Variants in GRM7 observed in about 807,000 individuals in gnomAD.
The protein encoded by GRM7 is metabotropic glutamate receptor 7.
GRM7 carries 35 observed loss-of-function variants against 84.5 expected under a neutral mutation model. That is an observed-to-expected ratio of 0.41 (90% CI 0.32 to 0.55). The LOEUF is 0.55. Ranked by LOEUF, GRM7 falls within the 20% of genes least tolerant of loss-of-function variation. The pLI, the probability that GRM7 is intolerant of heterozygous loss-of-function variation, is 0.19. For synonymous variants in GRM7, 487 were observed against 455.1 expected (o/e 1.07, Z -0.89); for missense variants, 1,003 against 1,194.6 (o/e 0.84, Z 2.36).
intron 2 of GRM7, among the ~76,000 whole-genome samples, chr3:7,150,665 C>T (rs186134120): frequency 5.9e-4 from 90 of 152,206 alleles, no homozygotes; most frequent in African/African-American, 2.0e-3. Flanking sequence ...AATGCACATG[C>T]AATAGCAACA....
intron 1 of GRM7, among the ~76,000 whole-genome samples, chr3:7,063,494 C>G (rs949815692): frequency 7.9e-5 from 12 of 151,736 alleles, no homozygotes; most frequent in Non-Finnish European, 1.6e-4. Flanking sequence ...ATTTAATTAA[C>G]TTTCAATTAA....
At chr3:7,081,483 T>A (rs1262753341) in intron 1 of GRM7, among the ~76,000 whole-genome samples, 1 of 152,024 alleles carries the variant, frequency 6.6e-6, no homozygotes, top group East Asian at 1.9e-4. Flanking sequence ...TGCTTGCACT[T>A]CTCCCTGTCC....
chr3:7,613,886 T>C (rs1230163124), intron 8 of GRM7, among the ~76,000 whole-genome samples: 1 of 152,206 alleles, frequency 6.6e-6, no homozygotes, highest in Admixed American at 6.5e-5. Flanking sequence ...ACCACTGTTG[T>C]TTAACTTGGG....
intron 7 of GRM7, among the ~76,000 whole-genome samples, chr3:7,562,306 A>T (rs931024065): frequency 5.9e-5 from 9 of 152,096 alleles, no homozygotes; most frequent in Non-Finnish European, 1.3e-4. Context: ...CCAGGAAAAA[A>T]AGCTAAAACC....
At chr3:7,283,774 G>A (rs890117703) in intron 2 of GRM7, among the ~76,000 whole-genome samples, 8 of 152,076 alleles carry the variant, frequency 5.3e-5, no homozygotes, top group Non-Finnish European at 1.2e-4. Context: ...GACTTTACGG[G>A]CAGTTAAAAA....
At chr3:7,577,278 C>T (rs187339408) in intron 7 of GRM7, among the ~76,000 whole-genome samples, 6 of 152,288 alleles carry the variant, frequency 3.9e-5, no homozygotes, top group Non-Finnish European at 7.4e-5. Context: ...TGCATATTCT[C>T]AGGGCACACC....
At chr3:7,121,150 A>G (rs1693202925) in intron 1 of GRM7, among the ~76,000 whole-genome samples, 1 of 152,198 alleles carries the variant, frequency 6.6e-6, no homozygotes. Context: ...TGTGACTGCC[A>G]GGAACACTCA....
At chr3:7,314,329 C>A (rs908162009) in intron 4 of GRM7, among the ~76,000 whole-genome samples, 3 of 151,260 alleles carry the variant, frequency 2.0e-5, no homozygotes, top group Middle Eastern at 3.5e-3. Flanking sequence ...CTCCCTCCCC[C>A]CTAAAAATTG....
intron 7 of GRM7, among the ~76,000 whole-genome samples, chr3:7,511,671 C>A (rs1293684803): frequency 6.6e-6 from 1 of 152,184 alleles, no homozygotes; most frequent in Non-Finnish European, 1.5e-5. Flanking sequence ...AATCTAGTTT[C>A]AAAACTATGG....
chr3:7,444,203 A>G (rs1282531606), intron 5 of GRM7, among the ~76,000 whole-genome samples: 1 of 152,178 alleles, frequency 6.6e-6, no homozygotes, highest in East Asian at 1.9e-4. Context: ...GCATAAACAG[A>G]GTTTCAGAGT....
At chr3:7,585,145 C>T (rs911451951) in intron 8 of GRM7, among the ~76,000 whole-genome samples, 2 of 152,196 alleles carry the variant, frequency 1.3e-5, no homozygotes, top group African/African-American at 4.8e-5. Context: ...CATTTGTGCA[C>T]TCATGCTGTG....
At chr3:7,121,595 C>T (rs1330994191) in intron 1 of GRM7, among the ~76,000 whole-genome samples, 5 of 152,118 alleles carry the variant, frequency 3.3e-5, no homozygotes, top group African/African-American at 1.2e-4. Context: ...AATTTAGATT[C>T]TTTTCTATCT....
intron 1 of GRM7, among the ~76,000 whole-genome samples, chr3:7,075,936 AT>A (rs111508007): frequency 0.15 from 22,892 of 149,356 alleles, 2,887 homozygotes; most frequent in African/African-American, 0.36. Context: ...CTGACTTTTA[AT>A]TTTTTTTTTT....
intron 8 of GRM7, among the ~76,000 whole-genome samples, chr3:7,674,129 A>G (rs1469660813): frequency 6.6e-6 from 1 of 152,144 alleles, no homozygotes; most frequent in Non-Finnish European, 1.5e-5. Flanking sequence ...GAGACAATAT[A>G]CACTATGAAG....
intron 1 of GRM7, among the ~76,000 whole-genome samples, chr3:6,973,190 TTTATTATTA>T (rs576247245): frequency 6.6e-6 from 1 of 151,758 alleles, no homozygotes; most frequent in Non-Finnish European, 1.5e-5. Flanking sequence ...TTATGATGGT[TTTATTATTA>T]TTATTATTAT....
chr3:6,893,165 C>G (rs1208358894), intron 1 of GRM7: 1 of 152,054 alleles, frequency 6.6e-6, no homozygotes, highest in African/African-American at 2.4e-5. Context: ...GGAAGTTATT[C>G]TAGCTCACAA....
intron 8 of GRM7, among the ~76,000 whole-genome samples, chr3:7,624,026 T>A (rs1217216971): frequency 6.6e-6 from 1 of 152,176 alleles, no homozygotes; most frequent in Admixed American, 6.6e-5. Flanking sequence ...TGGCCTAGTT[T>A]ATCAGACTGA....
intron 7 of GRM7, among the ~76,000 whole-genome samples, chr3:7,538,826 T>G (rs1559388713): frequency 6.6e-6 from 1 of 152,192 alleles, no homozygotes; most frequent in Non-Finnish European, 1.5e-5. Context: ...CTGTTTTTGT[T>G]AAAATCAAGT....
intron 6 of GRM7, among the ~76,000 whole-genome samples, chr3:7,455,474 T>C (rs939289647): frequency 6.6e-6 from 1 of 152,146 alleles, no homozygotes; most frequent in African/African-American, 2.4e-5. Context: ...CATCATCACT[T>C]ATGAGACTCA....
Sources: gnomAD v4.1 joint callset for allele counts (sites outside exome capture counted in the v4.1 genomes callset) on GRCh38, gnomAD v4.1.1 for gene constraint, MANE v1.5 for transcripts, NCBI Gene and HGNC (gene_info 2026-07-23, HGNC 2026-07-21) for gene names.